The following TRPM4 variants were observed in gnomAD, a reference collection of about 807,000 sequenced individuals.
TRPM4 encodes transient receptor potential cation channel subfamily M member 4, also known as calcium-activated non-selective cation channel 1.
Under a neutral mutation model 135.6 loss-of-function variants are expected in TRPM4, and 124 were observed. The ratio of observed to expected loss-of-function variants is 0.91; its 90% CI spans 0.79 to 1.06. The LOEUF (loss-of-function observed/expected upper bound fraction) is 1.06, where lower values mean the gene tolerates loss of function less well. TRPM4 is among the 50% of genes least tolerant of loss of function. The probability of loss-of-function intolerance (pLI) is 0.00; values close to 1 mark genes in which losing one functional copy is unlikely to be tolerated. For synonymous variants in TRPM4, 745 were observed against 705.6 expected (o/e 1.06, Z -0.88); for missense variants, 1,658 against 1,671.4 (o/e 0.99, Z 0.14).
At position 49,158,227 on chromosome 19, in the gene TRPM4, C is replaced by T. The variant is rs1306247621; in HGVS notation, c.60C>T (p.Cys20=). The change falls in exon 2 of 25, where the codon TGC becomes TGT. Residue 20 remains cysteine, a synonymous_variant. Transcript: ENST00000252826. The part of the protein sequence containing the change: ...WIPKIFKKKT[C]TTFIVDSTDP... ...CCAAGATCTTCAAGAAGAAGACCTG[C>T]ACGACGTTCATAGTTGACTCCACAG... 1.2e-6 allele frequency: 2 copies of T among 1,613,806 alleles called. No homozygotes were observed. Among genetic ancestry groups the T allele is most frequent in the Non-Finnish European group, 1.7e-6 (2 of 1,179,952 alleles).
At position 49,171,658 on chromosome 19, in the gene TRPM4, G is replaced by A. The variant is rs1399329197; in HGVS notation, c.939G>A (p.Glu313=). 6.2e-7 allele frequency: 1 copy of A among 1,614,006 alleles called. No individual in the cohort carries two copies. Among genetic ancestry groups the A allele is most frequent in the Non-Finnish European group, 8.5e-7 (1 of 1,180,030 alleles). The change falls in exon 8 of 25, where the codon GAG becomes GAA. Residue 313 remains glutamate, a synonymous_variant. Coordinates refer to ENST00000252826, the MANE Select transcript of TRPM4 (RefSeq NM_017636.4). This position sits in a 1 kb window ranked among gnomAD's most constrained non-coding sequence, Gnocchi z 4.7. ...GGGGAGCTGCGGACTGCCTGGCGGA[G>A]ACCCTGGAAGACACTCTGGCCCCAG... ...GSGGAADCLA[E]TLEDTLAPGS... is the part of the protein sequence containing the mutation.
chr19:49,165,520 G>C (rs1967136174), intron 2 of TRPM4, among the ~76,000 whole-genome samples: 1 of 152,134 alleles, frequency 6.6e-6, no homozygotes, highest in African/African-American at 2.4e-5. Context: ...CAGGAAACAC[G>C]GCGTTCTTTC....
chr19:49,182,125 CATCT>C (rs1483736521), intron 10 of TRPM4, among the ~76,000 whole-genome samples: 4 of 135,846 alleles, frequency 2.9e-5, no homozygotes, highest in South Asian at 2.5e-4. Flanking sequence ...TCCATCCATC[CATCT>C]GTCCATTCAT....
In TRPM4 at chr19:49,167,927, T is replaced by C. The variant is rs1200010244; in HGVS notation, c.278T>C (p.Leu93Pro). 6.2e-7 allele frequency: 1 copy of C among 1,613,986 alleles called. No homozygotes were observed. The highest frequency in any genetic ancestry group is 8.5e-7 in the Non-Finnish European group (1 of 1,180,030). The change falls in exon 4 of 25, where the codon CTC becomes CCC. Residue 93 changes from leucine to proline, a missense_variant. Physicochemically the swap from Leu to Pro is moderately conservative, Grantham distance 98. This residue lies in a region of TRPM4 where 239 missense variants were observed against 240.1 expected (regional missense o/e 1.00). Coordinates refer to ENST00000252826, the MANE Select transcript of TRPM4 (RefSeq NM_017636.4). ...AGRKHSNFLR[L>P]SDRTDPAAVY... ...CCCATGTGTCCACAGTTCCTCCGGC[T>C]CTCTGACCGAACGGATCCAGCTGCA...
At chr19:49,185,234 A>C (rs765849166) in intron 12 of TRPM4, among the ~76,000 whole-genome samples, 1 of 149,604 alleles carries the variant, frequency 6.7e-6, no homozygotes, top group East Asian at 2.0e-4. Context: ...CTTTTCTTTT[A>C]TTTATTTATT....
At chr19:49,207,634 C>T in intron 20 of TRPM4, among the ~76,000 whole-genome samples, 1 of 83,540 alleles carries the variant, frequency 1.2e-5, no homozygotes, top group African/African-American at 7.8e-5. Flanking sequence ...GAAACCTTGT[C>T]TCAAAAAAAA....
At chr19:49,189,187 G>A in intron 14 of TRPM4, 96 bp downstream of exon 14, 2 of 1,530,474 alleles carry the variant, frequency 1.3e-6, no homozygotes, top group Non-Finnish European at 8.9e-7. Flanking sequence ...CTATGGTCTT[G>A]ACCAGCCACT....
chr19:49,177,420 C>A (rs1361567353), intron 9 of TRPM4, among the ~76,000 whole-genome samples: 5 of 150,858 alleles, frequency 3.3e-5, no homozygotes, highest in African/African-American at 1.2e-4. Context: ...CTGCAACCCC[C>A]GGGTTCAAGC....
Position 49,211,333 on chromosome 19 carries a change from T to C in TRPM4, c.3640+64T>C, listed in dbSNP as rs1296405835. 1.9e-6 allele frequency: 3 copies of C among 1,580,486 alleles called. No individual in the cohort carries two copies. Among genetic ancestry groups the C allele is most frequent in the Non-Finnish European group, 1.7e-6 (2 of 1,157,218 alleles). On this transcript the variant is annotated intron_variant, in intron 24 of 24. Transcript: ENST00000252826. This position sits in a 1 kb window ranked among gnomAD's most constrained non-coding sequence, Gnocchi z 4.8. ...GTTCCTGTATTTTTGCGTGTTTTTC[T>C]CTCTCGGCACCTTTCCAGTGTCCCT...
chr19:49,167,481 C>T (rs866937482), intron 3 of TRPM4, among the ~76,000 whole-genome samples: 440 of 128,676 alleles, frequency 3.4e-3, no homozygotes, highest in African/African-American at 0.014. Context: ...CTCTCTGGGT[C>T]TCTGTCCCTC....
At chr19:49,182,379 TCCATCCATCCATCTGC>T (rs1183427360) in intron 10 of TRPM4, 183 bp from the exon 11 acceptor site, 7 of 616,564 alleles carry the variant, frequency 1.1e-5, no homozygotes, top group African/African-American at 3.9e-5. Context: ...CATCCATCCA[TCCATCCATCCATCTGC>T]CCATCCATCC....
intron 2 of TRPM4, among the ~76,000 whole-genome samples, chr19:49,160,245 A>G (rs909366021): frequency 6.6e-6 from 1 of 152,160 alleles, no homozygotes; most frequent in Non-Finnish European, 1.5e-5. Context: ...CATCCCAACA[A>G]TCTGGGAGGC....
chr19:49,207,327 T>C (rs138803224), intron 20 of TRPM4, among the ~76,000 whole-genome samples: 1 of 152,190 alleles, frequency 6.6e-6, no homozygotes, highest in East Asian at 1.9e-4. Flanking sequence ...TTTCTATTCC[T>C]AGTTTACGAT....
chr19:49,157,848 T>A lies in TRPM4; in HGVS notation c.-19T>A. 1 of 1,533,948 alleles carries A rather than the reference T, an allele frequency of 6.5e-7. No individual in the cohort carries two copies. The highest frequency in any genetic ancestry group is 8.7e-7 in the Non-Finnish European group (1 of 1,146,112). On this transcript the variant is annotated 5_prime_UTR_variant, in exon 1 of 25. The change creates a new upstream start codon in the 5' untranslated region. Transcript: ENST00000252826. ...CGCCGGGGCCCTGGGCTGCAGGAGG[T>A]TGCGGCGGCCGCGGCAGCATGGTGG...
Position 49,211,208 on chromosome 19 carries a change from G to A in TRPM4, c.3579G>A (p.Leu1193=). Residue 1193 remains leucine (L), a synonymous_variant, in exon 24 of 25, where the codon CTG becomes CTA. Coordinates refer to ENST00000252826, the MANE Select transcript of TRPM4 (RefSeq NM_017636.4). The surrounding 1 kb of genome is among the most constrained non-coding windows in gnomAD (Gnocchi z 4.8). Reference sequence around the variant, plus strand: ...TCCTGGGGTGGGTGGCCGAGGCCCTGAGCCGCTCTGCCTTGCTGCCCCCAG... The same window carrying A: ...TCCTGGGGTGGGTGGCCGAGGCCCTAAGCCGCTCTGCCTTGCTGCCCCCAG... ...SRVLGWVAEA[L]SRSALLPPGG... The A allele has an allele frequency of 6.2e-7, 1 of 1,600,386 alleles. No individual in the cohort carries two copies. The highest frequency in any genetic ancestry group is 1.7e-4 in the Middle Eastern group (1 of 6,038).
At chr19:49,161,191 C>A (rs747929987) in intron 2 of TRPM4, among the ~76,000 whole-genome samples, 1 of 151,930 alleles carries the variant, frequency 6.6e-6, no homozygotes, top group Admixed American at 6.6e-5. Context: ...GTAGGTAAGA[C>A]GTCACAGGGA....
In TRPM4 at chr19:49,171,429, C is replaced by T. The variant is rs891211634; in HGVS notation, c.858+11C>T. The T allele has an allele frequency of 4.5e-5, 72 of 1,613,994 alleles. No individual in the cohort carries two copies. Among genetic ancestry groups the T allele is most frequent in the Non-Finnish European group, 6.0e-5 (71 of 1,179,986 alleles). On this transcript the variant is annotated intron_variant, in intron 7 of 24. Coordinates refer to ENST00000252826, the MANE Select transcript of TRPM4 (RefSeq NM_017636.4). The surrounding 1 kb of genome is among the most constrained non-coding windows in gnomAD (Gnocchi z 4.7). ...GAGAAGATGTTGACGGTATAGGGGC[C>T]CGGATGCCCGGATCTAAGGGGGAAG...
intron 2 of TRPM4, among the ~76,000 whole-genome samples, 184 bp from the exon 3 acceptor site, chr19:49,165,857 C>T (rs909455267): frequency 6.6e-6 from 1 of 152,170 alleles, no homozygotes; most frequent in Non-Finnish European, 1.5e-5. Flanking sequence ...GAAAGGGGAC[C>T]GTCCTCGGCT....
intron 2 of TRPM4, among the ~76,000 whole-genome samples, chr19:49,161,830 A>G (rs1966979551): frequency 1.3e-5 from 2 of 152,064 alleles, no homozygotes; most frequent in Non-Finnish European, 2.9e-5. Flanking sequence ...AGGTTTCACC[A>G]TGTTGGCCAG....
Sources: allele counts gnomAD v4.1 joint callset (sites outside exome capture counted in the v4.1 genomes callset), GRCh38; gene constraint gnomAD v4.1.1; regional missense constraint gnomAD v4.1.1; non-coding constraint Gnocchi (gnomAD v3.1); transcripts MANE v1.5; gene names NCBI Gene and HGNC (gene_info 2026-07-23, HGNC 2026-07-21).